MICAL3: variants seen among roughly 807,000 people sequenced by gnomAD.
The protein encoded by MICAL3 is microtubule associated monooxygenase, calponin and LIM domain containing 3.
Under a neutral mutation model 207.4 loss-of-function variants are expected in MICAL3, and 62 were observed. The observed-to-expected ratio is 0.30, with a 90% CI of 0.24 to 0.37. The LOEUF (loss-of-function observed/expected upper bound fraction) is 0.37. Ranked by LOEUF, MICAL3 falls within the 10% of genes least tolerant of loss-of-function variation. MICAL3 has a pLI of 1.00. For synonymous variants in MICAL3, 1,077 were observed against 1,069.3 expected, an observed-to-expected ratio of 1.01 and a Z score of -0.14; for missense variants, 2,368 against 2,635.6, an observed-to-expected ratio of 0.90 and a Z score of 2.22.
At chr22:17,978,387 G>A (rs1003313788) in intron 1 of MICAL3, among the ~76,000 whole-genome samples, 3 of 152,168 alleles carry the variant, frequency 2.0e-5, no homozygotes, top group African/African-American at 7.2e-5. Flanking sequence ...TCAGGAGAGG[G>A]GCTGGAGAAG....
intron 27 of MICAL3, 146 bp downstream of exon 27, chr22:17,816,544 G>T: frequency 1.5e-6 from 1 of 679,656 alleles, no homozygotes; most frequent in Non-Finnish European, 2.6e-6. Flanking sequence ...CAGTGCATAG[G>T]GCTGGGTCAG....
chr22:18,003,087 G>A (rs1030954895), intron 1 of MICAL3, among the ~76,000 whole-genome samples: 3 of 151,428 alleles, frequency 2.0e-5, no homozygotes, highest in African/African-American at 7.3e-5. Context: ...GTGAACTCGG[G>A]AGGCGGAGCT....
rs763516065 is a variant in MICAL3 at position 17,831,883 on chromosome 22, T to C, written c.3026A>G (p.Tyr1009Cys). The change falls in exon 21 of 32, where the codon TAT (tyrosine) becomes TGT (cysteine). Residue 1009 changes from tyrosine (Y) to cysteine (C), a missense_variant. Coordinates refer to ENST00000441493, the MANE Select transcript of MICAL3 (RefSeq NM_015241.3). ...ACTGGACTCTTCCTCCTCCTCGTCA[T>C]AGTCCTCCTCCTCCTCCTCTTCATA... ...EEYEEEEEED[Y>C]DEEEEESSEA... is the part of the protein sequence containing the mutation. The C allele has an allele frequency of 5.8e-6, 9 of 1,554,030 alleles. No individual in the cohort carries two copies. The African/African-American group carries it at 9.6e-5, about 17-fold the overall frequency.
chr22:17,889,941 C>CTA (rs1930256902), intron 12 of MICAL3, among the ~76,000 whole-genome samples: 1 of 152,210 alleles, frequency 6.6e-6, no homozygotes, highest in South Asian at 2.1e-4. Context: ...AGGCCTGGGA[C>CTA]TATCACCCAC....
At chr22:17,890,617 T>TA (rs1179623181) in intron 12 of MICAL3, among the ~76,000 whole-genome samples, 2 of 152,260 alleles carry the variant, frequency 1.3e-5, no homozygotes, top group African/African-American at 4.8e-5. Flanking sequence ...TGCACAAGGC[T>TA]ATTTTTACCA....
intron 1 of MICAL3, among the ~76,000 whole-genome samples, chr22:17,907,511 G>A (rs1199778540): frequency 2.0e-4 from 31 of 152,186 alleles, no homozygotes; most frequent in Non-Finnish European, 2.9e-5. Flanking sequence ...GGTGCTTACC[G>A]GGAAGTCGGT....
At chr22:17,911,798 C>T (rs1005538098) in intron 1 of MICAL3, among the ~76,000 whole-genome samples, 1 of 94,386 alleles carries the variant, frequency 1.1e-5, no homozygotes, top group Non-Finnish European at 1.9e-5. Flanking sequence ...TGCCACTGCA[C>T]TCCAGCCTGG....
At chr22:17,916,010 T>C (rs1932477510) in intron 1 of MICAL3, among the ~76,000 whole-genome samples, 1 of 142,124 alleles carries the variant, frequency 7.0e-6, no homozygotes, top group Non-Finnish European at 1.5e-5. Flanking sequence ...TGAACCATGG[T>C]TGCACCACTG....
At chr22:17,866,668 T>TATAGA (rs1556038143) in intron 17 of MICAL3, among the ~76,000 whole-genome samples, 14 of 81,970 alleles carry the variant, frequency 1.7e-4, no homozygotes, top group African/African-American at 6.3e-4. Flanking sequence ...TAGAATAGAA[T>TATAGA]ATAGAATAGA....
At chr22:17,908,950 A>G (rs1931943141) in intron 1 of MICAL3, among the ~76,000 whole-genome samples, 1 of 152,212 alleles carries the variant, frequency 6.6e-6, no homozygotes, top group African/African-American at 2.4e-5. Flanking sequence ...AAGCACACTG[A>G]GCAGCAGTGT....
At chr22:17,930,465 C>T (rs1319485242) in intron 1 of MICAL3, among the ~76,000 whole-genome samples, 1 of 152,230 alleles carries the variant, frequency 6.6e-6, no homozygotes, top group Non-Finnish European at 1.5e-5. Context: ...GAATACCACA[C>T]AGCAGGAAAG....
chr22:17,901,479 T>C (rs1029785552), intron 5 of MICAL3, among the ~76,000 whole-genome samples: 2 of 152,002 alleles, frequency 1.3e-5, no homozygotes, highest in African/African-American at 4.8e-5. Context: ...GACCAGCCCA[T>C]GCAACATGGC....
intron 1 of MICAL3, among the ~76,000 whole-genome samples, chr22:17,922,652 G>A (rs192017774): frequency 1.1e-4 from 17 of 152,212 alleles, no homozygotes; most frequent in Admixed American, 1.0e-3. Context: ...CAAATGGCTC[G>A]GGACGAAAGA....
intron 1 of MICAL3, among the ~76,000 whole-genome samples, chr22:17,967,416 T>A (rs1281110485): frequency 6.8e-6 from 1 of 146,590 alleles, no homozygotes; most frequent in Admixed American, 6.8e-5. Context: ...ATTTGATGAA[T>A]CTGCCCTATG....
chr22:17,904,331 T>G (rs892814109), intron 3 of MICAL3, among the ~76,000 whole-genome samples: 1 of 152,202 alleles, frequency 6.6e-6, no homozygotes, highest in Non-Finnish European at 1.5e-5. Context: ...CCTGCCCCAG[T>G]GCCCATCCCA....
At chr22:17,847,048 C>T (rs1371772464) in intron 19 of MICAL3, among the ~76,000 whole-genome samples, 1 of 152,206 alleles carries the variant, frequency 6.6e-6, no homozygotes, top group Non-Finnish European at 1.5e-5. Context: ...TATTTGCTTC[C>T]ACCTGACTCC....
intron 1 of MICAL3, among the ~76,000 whole-genome samples, chr22:17,947,445 C>A (rs1934128339): frequency 6.6e-6 from 1 of 152,224 alleles, no homozygotes; most frequent in Non-Finnish European, 1.5e-5. Flanking sequence ...TCTGTGCGCA[C>A]CACTGAGATA....
intron 1 of MICAL3, among the ~76,000 whole-genome samples, chr22:18,021,462 T>A (rs1379811637): frequency 1.3e-5 from 2 of 152,162 alleles, no homozygotes; most frequent in Non-Finnish European, 2.9e-5. Context: ...GCCAGGTAAG[T>A]ACTAGGGAAA....
At chr22:17,820,930 T>G (rs1921544189) in intron 25 of MICAL3, among the ~76,000 whole-genome samples, 1 of 142,512 alleles carries the variant, frequency 7.0e-6, no homozygotes, top group Admixed American at 6.9e-5. Context: ...ACATAAATTT[T>G]AATAAATTTA....
Sources: gnomAD v4.1 joint callset for allele counts (sites outside exome capture counted in the v4.1 genomes callset) on GRCh38, gnomAD v4.1.1 for gene constraint, MANE v1.5 for transcripts, NCBI Gene and HGNC (gene_info 2026-07-23, HGNC 2026-07-21) for gene names.